Variants in MLLT3 observed in about 807,000 individuals in gnomAD.
MLLT3 encodes protein AF-9.
In MLLT3, 4 loss-of-function variants were observed where a neutral mutation model predicts 53.2. The observed-to-expected ratio is 0.08, with a 90% CI of 0.04 to 0.17. The LOEUF (loss-of-function observed/expected upper bound fraction) is 0.17, where lower values mean the gene tolerates loss of function less well. MLLT3 is among the 10% of genes least tolerant of loss of function. The pLI is 1.00. For synonymous variants in MLLT3, 283 were observed against 230.6 expected (o/e 1.23, Z -2.06); for missense variants, 569 against 684.0 (o/e 0.83, Z 1.87).
chr9:20,489,507 T>C (rs1824894333), intron 2 of MLLT3, among the ~76,000 whole-genome samples: 1 of 152,220 alleles, frequency 6.6e-6, no homozygotes, highest in Non-Finnish European at 1.5e-5. Context: ...CACCTTGCTA[T>C]TGTCTTTGGC....
chr9:20,409,751 T>C (rs188308735), intron 5 of MLLT3, among the ~76,000 whole-genome samples: 12 of 152,324 alleles, frequency 7.9e-5, no homozygotes, highest in Admixed American at 2.0e-4. Context: ...CAAATTCTTC[T>C]GTAGGGGAAA....
At position 20,455,996 on chromosome 9, in the gene MLLT3, T is replaced by C. The variant is rs1278089955; in HGVS notation, c.276+708A>G. Among the ~76,000 whole-genome samples, 5 of 149,086 alleles carry C rather than the reference T, an allele frequency of 3.4e-5. No individual in the cohort carries two copies. In the East Asian group the frequency reaches 5.9e-4, roughly 18 times the overall value. On this transcript the variant is annotated intron_variant, in intron 3 of 10. Coordinates refer to ENST00000380338, the MANE Select transcript of MLLT3 (RefSeq NM_004529.4). ...CTCTGTCACCCAGGCTGGAATGCAG[T>C]AGTGCGATCTCGGCTCACTGCCATC... is the stretch of plus-strand genomic sequence containing the variant.
chr9:20,484,750 C>T (rs1274345395), intron 2 of MLLT3, among the ~76,000 whole-genome samples: 1 of 152,084 alleles, frequency 6.6e-6, no homozygotes, highest in Non-Finnish European at 1.5e-5. Flanking sequence ...AAGACAGTAC[C>T]AGTGCCTAAT....
intron 2 of MLLT3, among the ~76,000 whole-genome samples, chr9:20,554,328 G>A (rs1014061150): frequency 7.9e-5 from 12 of 152,096 alleles, no homozygotes; most frequent in Non-Finnish European, 1.2e-4. Context: ...TTCATAGTCT[G>A]GCAGAATATG....
rs1372519471 is a variant in MLLT3 at position 20,458,848 on chromosome 9, G to C, written c.194-2062C>G. On this transcript the variant is annotated intron_variant, in intron 2 of 10. Transcript: ENST00000380338. ...ATGCAGCACAGGGCCTGGCGCATAAGTTCTCAGTAAGTGACTGAAGCCAGG... is the reference window on the plus strand; with the variant it reads ...ATGCAGCACAGGGCCTGGCGCATAACTTCTCAGTAAGTGACTGAAGCCAGG... Among the ~76,000 whole-genome samples the C allele has an allele frequency of 2.0e-5, 3 of 152,204 alleles. No individual in the cohort carries two copies. The East Asian group carries it at 5.8e-4, about 29-fold the overall frequency.
At chr9:20,359,299 TCTTTCCTCTTTTTA>T (rs1362459465) in intron 8 of MLLT3, among the ~76,000 whole-genome samples, 1 of 152,150 alleles carries the variant, frequency 6.6e-6, no homozygotes, top group Admixed American at 6.5e-5. Context: ...GATGCATATG[TCTTTCCTCTTTTTA>T]CTTTCCTCTG....
intron 2 of MLLT3, among the ~76,000 whole-genome samples, chr9:20,483,789 G>A (rs1370918536): frequency 7.0e-6 from 1 of 142,232 alleles, no homozygotes; most frequent in Admixed American, 7.5e-5. Context: ...CTCACTGCAA[G>A]GTCCGCCTCC....
chr9:20,567,011 G>A (rs555946811), intron 2 of MLLT3, among the ~76,000 whole-genome samples: 10 of 152,102 alleles, frequency 6.6e-5, no homozygotes, highest in South Asian at 2.1e-4. Context: ...TAAAGGCACC[G>A]TCCAGCAACC....
intron 2 of MLLT3, among the ~76,000 whole-genome samples, chr9:20,599,935 T>C (rs1820374958): frequency 6.6e-6 from 1 of 152,120 alleles, no homozygotes; most frequent in Non-Finnish European, 1.5e-5. Context: ...TCTTCTTTTT[T>C]CACCTATATA....
Position 20,620,942 on chromosome 9 carries a change from G to A in MLLT3, c.13-108C>T, listed in dbSNP as rs763778737. On this transcript the variant is annotated intron_variant, in intron 1 of 10. Transcript: ENST00000380338. This position sits in a 1 kb window ranked among gnomAD's most constrained non-coding sequence, Gnocchi z 6.1. ...CCTCCTTCTTGAAACGCACATAAAA[G>A]GAAACGGCGGTGCCCTCTGCATCCA... 4 of 1,254,112 alleles carry A rather than the reference G, an allele frequency of 3.2e-6. No homozygotes were observed. Among genetic ancestry groups the A allele is most frequent in the Non-Finnish European group, 3.4e-6 (3 of 877,740 alleles). 77.7% of individuals were successfully genotyped at this position (1,254,112 alleles called of 1,614,324 possible).
At chr9:20,365,330 TTTTG>T (rs1821422789) in intron 6 of MLLT3, among the ~76,000 whole-genome samples, 1 of 152,122 alleles carries the variant, frequency 6.6e-6, no homozygotes, top group African/African-American at 2.4e-5. Flanking sequence ...GATGGTTTTT[TTTTG>T]TTTTGTTTTG....
chr9:20,502,097 G>A (rs888387571), intron 2 of MLLT3, among the ~76,000 whole-genome samples: 12 of 134,582 alleles, frequency 8.9e-5, no homozygotes, highest in African/African-American at 2.5e-4. Flanking sequence ...AAAAAAAGGG[G>A]GGGGGGGGGA....
At chr9:20,457,766 T>C (rs1479678614) in intron 2 of MLLT3, among the ~76,000 whole-genome samples, 2 of 152,324 alleles carry the variant, frequency 1.3e-5, no homozygotes, top group South Asian at 2.1e-4. Context: ...AGCAAGACTA[T>C]TAGGCAAGCT....
chr9:20,358,987 A>G (rs946096036), intron 8 of MLLT3, among the ~76,000 whole-genome samples: 2 of 151,952 alleles, frequency 1.3e-5, no homozygotes, highest in Admixed American at 1.3e-4. Context: ...TCTACTAAAA[A>G]TACAAAAATT....
At chr9:20,464,034 T>C (rs1824175102) in intron 2 of MLLT3, among the ~76,000 whole-genome samples, 1 of 151,990 alleles carries the variant, frequency 6.6e-6, no homozygotes, top group South Asian at 2.1e-4. Context: ...TTGAAGAGTA[T>C]CACTTCCTAA....
chr9:20,405,166 A>G (rs1335633094), intron 5 of MLLT3, among the ~76,000 whole-genome samples: 1 of 152,176 alleles, frequency 6.6e-6, no homozygotes, highest in Non-Finnish European at 1.5e-5. Flanking sequence ...ACTCTAAGGT[A>G]CCACAGCTTT....
At chr9:20,523,812 A>G (rs561939759) in intron 2 of MLLT3, among the ~76,000 whole-genome samples, 1 of 152,132 alleles carries the variant, frequency 6.6e-6, no homozygotes, top group Non-Finnish European at 1.5e-5. Flanking sequence ...CTACAAAAAA[A>G]ATACAAAAAT....
intron 5 of MLLT3, among the ~76,000 whole-genome samples, chr9:20,388,687 C>T (rs114599670): frequency 2.0e-5 from 3 of 151,690 alleles, no homozygotes; most frequent in African/African-American, 7.3e-5. Context: ...GAAAAAAAAA[C>T]CACCATGATT....
chr9:20,378,391 C>G (rs1236600209), intron 5 of MLLT3, among the ~76,000 whole-genome samples: 1 of 152,004 alleles, frequency 6.6e-6, no homozygotes, highest in African/African-American at 2.4e-5. Context: ...ATAACTCACA[C>G]AGAGAGCATC....
Sources: allele counts gnomAD v4.1 joint callset (sites outside exome capture counted in the v4.1 genomes callset), GRCh38; gene constraint gnomAD v4.1.1; non-coding constraint Gnocchi (gnomAD v3.1); transcripts MANE v1.5; gene names NCBI Gene and HGNC (gene_info 2026-07-23, HGNC 2026-07-21).